BMAL1: variants seen among roughly 807,000 people sequenced by gnomAD.
The protein encoded by BMAL1 is basic helix-loop-helix ARNT-like protein 1.
chr11:13,277,710 A>ACG, the BMAL1 span: 1 of 24,892 alleles, frequency 4.0e-5, no homozygotes. Flanking sequence ...GTGGGCGGGG[A>ACG]AGGGGGGTTG....
At chr11:13,365,764 C>T in the BMAL1 span, among the ~76,000 whole-genome samples, 4 of 152,248 alleles carry the variant, frequency 2.6e-5, no homozygotes, top group East Asian at 3.9e-4. Flanking sequence ...TAATATGTTC[C>T]GTATTCCCCC....
the BMAL1 span, chr11:13,360,324 C>A: frequency 1.8e-4 from 286 of 1,598,580 alleles, no homozygotes; most frequent in Non-Finnish European, 2.3e-4. Flanking sequence ...TATACCAATT[C>A]TTTCTCTTTT....
the BMAL1 span, chr11:13,381,380 A>G: frequency 1.1e-6 from 1 of 880,804 alleles, no homozygotes; most frequent in African/African-American, 1.6e-5. Flanking sequence ...TCCTTGAAGT[A>G]AATGCATCTG....
At chr11:13,284,232 GTGTATATATATATA>G in the BMAL1 span, among the ~76,000 whole-genome samples, 2 of 8,104 alleles carry the variant, frequency 2.5e-4, no homozygotes, top group African/African-American at 6.9e-4. Context: ...ATATATGTGT[GTGTATATATATATA>G]TATATATATA....
chr11:13,359,385 G>C, the BMAL1 span, among the ~76,000 whole-genome samples: 1 of 152,202 alleles, frequency 6.6e-6, no homozygotes, highest in African/African-American at 2.4e-5. Context: ...GAAATAAGAA[G>C]TAGCTGGTTT....
At chr11:13,310,581 CA>C in the BMAL1 span, among the ~76,000 whole-genome samples, 1 of 152,190 alleles carries the variant, frequency 6.6e-6, no homozygotes, top group Non-Finnish European at 1.5e-5. Flanking sequence ...CTTCGTAGGC[CA>C]TGTGGTCTCT....
chr11:13,292,503 C>A, the BMAL1 span, among the ~76,000 whole-genome samples: 14 of 151,100 alleles, frequency 9.3e-5, no homozygotes, highest in African/African-American at 3.4e-4. Context: ...GCCGAGATCG[C>A]GCCACTGCAC....
the BMAL1 span, among the ~76,000 whole-genome samples, chr11:13,316,922 C>T: frequency 6.6e-6 from 1 of 152,164 alleles, no homozygotes; most frequent in Non-Finnish European, 1.5e-5. Context: ...GGCCCACCTG[C>T]TTCAGAACAT....
chr11:13,384,302 A>G, the BMAL1 span, among the ~76,000 whole-genome samples: 28 of 152,364 alleles, frequency 1.8e-4, 1 homozygote, highest in Middle Eastern at 3.4e-3. Flanking sequence ...TATTAATAAT[A>G]GTGATATTTT....
the BMAL1 span, among the ~76,000 whole-genome samples, chr11:13,383,716 G>GGT: frequency 3.3e-3 from 498 of 152,136 alleles, 4 homozygotes; most frequent in African/African-American, 0.011. Context: ...ATCCAGGTGT[G>GGT]GTGGTGTACC....
At chr11:13,333,309 CTTG>C in the BMAL1 span, among the ~76,000 whole-genome samples, 1 of 152,180 alleles carries the variant, frequency 6.6e-6, no homozygotes, top group Admixed American at 6.5e-5. Flanking sequence ...ATGTTGATAG[CTTG>C]TTGTCACAGC....
At chr11:13,343,177 C>G in the BMAL1 span, among the ~76,000 whole-genome samples, 1 of 152,190 alleles carries the variant, frequency 6.6e-6, no homozygotes, top group Non-Finnish European at 1.5e-5. Flanking sequence ...GATTTGAACC[C>G]TAGGCACTCA....
At chr11:13,332,404 C>T in the BMAL1 span, among the ~76,000 whole-genome samples, 38 of 152,184 alleles carry the variant, frequency 2.5e-4, no homozygotes, top group African/African-American at 3.9e-4. Flanking sequence ...TACCTGCTTT[C>T]GAGTTCTCAG....
chr11:13,317,253 G>A, the BMAL1 span, among the ~76,000 whole-genome samples: 1 of 152,106 alleles, frequency 6.6e-6, no homozygotes, highest in South Asian at 2.1e-4. Context: ...TTTTTGAATT[G>A]CACATTATGT....
chr11:13,349,102 C>T, the BMAL1 span, among the ~76,000 whole-genome samples: 4 of 152,288 alleles, frequency 2.6e-5, no homozygotes, highest in East Asian at 7.7e-4. Context: ...CCCCTCAGTC[C>T]TTTCAGTAAG....
the BMAL1 span, among the ~76,000 whole-genome samples, chr11:13,329,534 C>T: frequency 1.3e-5 from 2 of 152,124 alleles, no homozygotes; most frequent in Non-Finnish European, 2.9e-5. Context: ...GATTAGTTTC[C>T]AGCCAGAGCC....
chr11:13,348,138 C>T, the BMAL1 span, among the ~76,000 whole-genome samples: 2 of 152,162 alleles, frequency 1.3e-5, no homozygotes, highest in Non-Finnish European at 2.9e-5. Flanking sequence ...GGAGGTGTGC[C>T]CACGGGCACA....
chr11:13,356,404 T>C, the BMAL1 span: 1 of 540,250 alleles, frequency 1.9e-6, no homozygotes, highest in South Asian at 1.6e-5. Context: ...GTTATATAGA[T>C]ATTTCAATCC....
the BMAL1 span, chr11:13,360,302 C>T: frequency 6.4e-7 from 1 of 1,551,632 alleles, no homozygotes; most frequent in Middle Eastern, 1.7e-4. Context: ...GAGACATTTT[C>T]TGAATATCAA....
Sources: gnomAD v4.1 joint callset for allele counts (sites outside exome capture counted in the v4.1 genomes callset) on GRCh38, gnomAD v4.1.1 for gene constraint, MANE v1.5 for transcripts, NCBI Gene and HGNC (gene_info 2026-07-23, HGNC 2026-07-21) for gene names.